The following PDE4D variants were observed in gnomAD, a reference collection of about 807,000 sequenced individuals.
PDE4D encodes phosphodiesterase 4D, also known as 3',5'-cyclic-AMP phosphodiesterase 4D.
In PDE4D, 24 loss-of-function variants were observed where a neutral mutation model predicts 87.4. The ratio of observed to expected loss-of-function variants is 0.27; its 90% CI spans 0.20 to 0.39. The LOEUF (loss-of-function observed/expected upper bound fraction) is 0.39. Ranked by LOEUF, PDE4D falls within the 10% of genes least tolerant of loss-of-function variation. PDE4D has a pLI of 1.00. For synonymous variants in PDE4D, 384 were observed against 383.2 expected, an observed-to-expected ratio of 1.00 and a Z score of -0.02; for missense variants, 714 against 1,041.0, an observed-to-expected ratio of 0.69 and a Z score of 4.32.
intron 1 of PDE4D, among the ~76,000 whole-genome samples, chr5:59,375,804 C>T (rs1425123898): frequency 6.6e-6 from 1 of 152,150 alleles, no homozygotes. Flanking sequence ...TACTGGCAAA[C>T]CAAATCCAGT....
At chr5:60,327,234 A>G (rs1243732100) in intron 1 of PDE4D, among the ~76,000 whole-genome samples, 1 of 152,216 alleles carries the variant, frequency 6.6e-6, no homozygotes, top group Non-Finnish European at 1.5e-5. Flanking sequence ...ATGCTGTTAT[A>G]CTTGGTTGAA....
At chr5:60,396,001 C>T (rs1762861063) in intron 1 of PDE4D, among the ~76,000 whole-genome samples, 1 of 152,290 alleles carries the variant, frequency 6.6e-6, no homozygotes, top group Non-Finnish European at 1.5e-5. Flanking sequence ...CCACGGTTAC[C>T]AAGAGAATCA....
intron 1 of PDE4D, among the ~76,000 whole-genome samples, chr5:60,451,161 T>A (rs1746068479): frequency 6.6e-6 from 1 of 152,086 alleles, no homozygotes; most frequent in South Asian, 2.1e-4. Flanking sequence ...CAGTGTCTTG[T>A]CAAAAATCCT....
intron 3 of PDE4D, among the ~76,000 whole-genome samples, chr5:59,190,797 C>A (rs1178782241): frequency 6.6e-6 from 1 of 152,094 alleles, no homozygotes; most frequent in Non-Finnish European, 1.5e-5. Context: ...CCCACAGATG[C>A]TCTATGAAGA....
intron 1 of PDE4D, among the ~76,000 whole-genome samples, chr5:59,765,691 C>G (rs1372251121): frequency 6.6e-6 from 1 of 152,208 alleles, no homozygotes; most frequent in Middle Eastern, 3.2e-3. Context: ...AATAATGGAA[C>G]CACAGGATGG....
chr5:59,760,593 A>G (rs1209885330), intron 1 of PDE4D, among the ~76,000 whole-genome samples: 2 of 152,190 alleles, frequency 1.3e-5, no homozygotes, highest in African/African-American at 4.8e-5. Flanking sequence ...GTCCTTAATC[A>G]GGAATATAAT....
At chr5:59,872,253 C>G (rs1298056661) in intron 1 of PDE4D, among the ~76,000 whole-genome samples, 1 of 144,360 alleles carries the variant, frequency 6.9e-6, no homozygotes, top group Admixed American at 7.0e-5. Context: ...GGATTCACAA[C>G]AGAAGAGTTA....
At chr5:59,131,143 T>A (rs1776197726) in intron 5 of PDE4D, among the ~76,000 whole-genome samples, 1 of 151,784 alleles carries the variant, frequency 6.6e-6, no homozygotes, top group South Asian at 2.1e-4. Flanking sequence ...ACAGGGGGAG[T>A]CCTTTTTAGG....
At chr5:59,887,079 T>G (rs1750272791) in intron 1 of PDE4D, among the ~76,000 whole-genome samples, 1 of 152,130 alleles carries the variant, frequency 6.6e-6, no homozygotes, top group African/African-American at 2.4e-5. Flanking sequence ...TCAAAAGATC[T>G]TGGTGGTCTT....
rs137978409 is a variant in PDE4D, at chr5:59,017,444, T to C, written c.921+21415A>G. Among the ~76,000 whole-genome samples the C allele has an allele frequency of 7.4e-3, 1,127 of 152,174 alleles. 5 individuals are homozygous for C. The highest frequency in any genetic ancestry group is 0.013 in the Non-Finnish European group (865 of 67,998). ...GGAGGTACGGATTTAAAGGAGGGTA[T>C]GTAAGGAGAAAGAAGAATCCTATGA... On this transcript the variant is annotated intron_variant, in intron 6 of 14. Coordinates refer to ENST00000340635, the MANE Select transcript of PDE4D (RefSeq NM_001104631.2).
At chr5:59,493,163 T>A (rs769818254) in intron 1 of PDE4D, among the ~76,000 whole-genome samples, 4 of 152,150 alleles carry the variant, frequency 2.6e-5, no homozygotes, top group Non-Finnish European at 5.9e-5. Flanking sequence ...TTTATTGCAA[T>A]ATTTTAGGCA....
chr5:58,978,970 T>C (rs1744472455), intron 11 of PDE4D, among the ~76,000 whole-genome samples: 1 of 152,192 alleles, frequency 6.6e-6, no homozygotes, highest in Non-Finnish European at 1.5e-5. Context: ...GGCATAATTA[T>C]TAGATACTGG....
chr5:59,271,142 C>T (rs545234778), intron 1 of PDE4D, among the ~76,000 whole-genome samples: 6 of 151,818 alleles, frequency 4.0e-5, no homozygotes, highest in African/African-American at 1.4e-4. Flanking sequence ...TGGGTTGAAG[C>T]AATTCTCATG....
At chr5:59,285,911 C>G (rs1461125290) in intron 1 of PDE4D, among the ~76,000 whole-genome samples, 1 of 152,142 alleles carries the variant, frequency 6.6e-6, no homozygotes, top group Non-Finnish European at 1.5e-5. Flanking sequence ...CTTTAAGAAC[C>G]TTATCTGGAG....
At chr5:58,989,559 C>G (rs1747371717) in intron 10 of PDE4D, among the ~76,000 whole-genome samples, 196 bp downstream of exon 10, 1 of 152,052 alleles carries the variant, frequency 6.6e-6, no homozygotes, top group African/African-American at 2.4e-5. Context: ...ATCACTAAAT[C>G]TGTGACCAAC....
intron 2 of PDE4D, among the ~76,000 whole-genome samples, chr5:60,150,085 T>A (rs992532833): frequency 6.7e-6 from 1 of 149,102 alleles, no homozygotes; most frequent in African/African-American, 2.4e-5. Context: ...TATATAGAAT[T>A]ATATATACTA....
intron 1 of PDE4D, among the ~76,000 whole-genome samples, chr5:59,416,550 G>C (rs1023096920): frequency 6.6e-6 from 1 of 152,214 alleles, no homozygotes; most frequent in South Asian, 2.1e-4. Context: ...TAAAAGGTCA[G>C]AGCTAAGCAC....
chr5:59,824,397 G>A (rs1770073040), intron 1 of PDE4D, among the ~76,000 whole-genome samples: 2 of 152,160 alleles, frequency 1.3e-5, no homozygotes, highest in Non-Finnish European at 2.9e-5. Flanking sequence ...GCTCTAGAAT[G>A]TAACCCTTCT....
intron 11 of PDE4D, among the ~76,000 whole-genome samples, chr5:58,986,958 G>GATATAT (rs1227900826): frequency 5.1e-5 from 3 of 58,484 alleles, no homozygotes; most frequent in East Asian, 5.5e-4. Context: ...TGGTGTTTAA[G>GATATAT]ATAGATATAT....
Sources: allele counts gnomAD v4.1 joint callset (sites outside exome capture counted in the v4.1 genomes callset), GRCh38; gene constraint gnomAD v4.1.1; transcripts MANE v1.5; gene names NCBI Gene and HGNC (gene_info 2026-07-23, HGNC 2026-07-21).